The following PARD3B variants were observed in gnomAD, a reference collection of about 807,000 sequenced individuals.
The protein encoded by PARD3B is partitioning defective 3 homolog B.
A neutral mutation model predicts 130.2 loss-of-function variants in PARD3B; 103 were observed. The observed-to-expected ratio is 0.79, with a 90% CI of 0.67 to 0.93. The LOEUF is 0.93. Among genes scored for constraint, PARD3B ranks in the 40% least tolerant of loss-of-function variants. The probability of loss-of-function intolerance (pLI) is 0.00; values close to 1 mark genes in which losing one functional copy is unlikely to be tolerated. For missense variants in PARD3B, 1,609 were observed against 1,499.2 expected, an observed-to-expected ratio of 1.07 and a Z score of -1.21; for synonymous variants, 583 against 553.2, an observed-to-expected ratio of 1.05 and a Z score of -0.76.
At position 205,115,499 on chromosome 2, in the gene PARD3B, G is replaced by A. The variant is rs531185869; in HGVS notation, c.680+1922G>A. The stretch of plus-strand genomic sequence containing the variant: ...TATTTTGGCTAAAACCAAAAAGCCT[G>A]ATTCAGAAATGTAGTTTTATTATAA... On this transcript the variant is annotated intron_variant, in intron 6 of 22. Transcript: ENST00000406610. Among the ~76,000 whole-genome samples, 4 of 152,096 alleles carry A rather than the reference G, an allele frequency of 2.6e-5. No homozygotes were observed. In the South Asian group the frequency reaches 8.3e-4, roughly 31 times the overall value.
rs529762447 is a variant in PARD3B, at chr2:204,861,436, A to G, written c.223-103716A>G. Among the ~76,000 whole-genome samples, 20 of 152,292 alleles carry G rather than the reference A, an allele frequency of 1.3e-4. No homozygotes were observed. The South Asian group carries it at 3.7e-3, about 28-fold the overall frequency. ...TACTTGAGGTAGAAAAACCAATTCT[A>G]TACATATTCTTAATAGTTAAATCTC... On this transcript the variant is annotated intron_variant, in intron 2 of 22. Transcript: ENST00000406610.
intron 2 of PARD3B, among the ~76,000 whole-genome samples, chr2:204,814,846 C>CT (rs1332880864): frequency 1.3e-5 from 2 of 151,608 alleles, no homozygotes; most frequent in African/African-American, 2.4e-5. Flanking sequence ...TATGGTTTTT[C>CT]TTTTTTGTTA....
chr2:205,355,268 A>T lies in PARD3B; in HGVS notation c.2631-45745A>T, dbSNP rs114425472. ...GGTGAAGCAAATGAGGCTTTGCCAAATTTTTTCTAATTAAGTGGGACTTTT... is the reference window on the plus strand; with the variant it reads ...GGTGAAGCAAATGAGGCTTTGCCAATTTTTTTCTAATTAAGTGGGACTTTT... On this transcript the variant is annotated intron_variant, in intron 18 of 22. Transcript: ENST00000406610. Among the ~76,000 whole-genome samples the T allele has an allele frequency of 9.5e-3, 1,443 of 152,266 alleles. 6 individuals are homozygous for T. The highest frequency in any genetic ancestry group is 0.016 in the Non-Finnish European group (1,100 of 68,008).
At chr2:205,040,895 A>T (rs1462753307) in intron 3 of PARD3B, among the ~76,000 whole-genome samples, 1 of 152,130 alleles carries the variant, frequency 6.6e-6, no homozygotes, top group Non-Finnish European at 1.5e-5. Flanking sequence ...CGAGACTCTG[A>T]AAAGACCAGC....
At chr2:204,568,820 T>C (rs1400611651) in intron 1 of PARD3B, among the ~76,000 whole-genome samples, 1 of 152,026 alleles carries the variant, frequency 6.6e-6, no homozygotes, top group Non-Finnish European at 1.5e-5. Flanking sequence ...CCAGATGTGG[T>C]GGTGTGTGCC....
chr2:204,711,354 A>T (rs1247462374), intron 2 of PARD3B, among the ~76,000 whole-genome samples: 1 of 152,152 alleles, frequency 6.6e-6, no homozygotes, highest in African/African-American at 2.4e-5. Context: ...CCTTTTTAAT[A>T]GTTCATTGTG....
At chr2:204,816,339 G>A (rs893985185) in intron 2 of PARD3B, among the ~76,000 whole-genome samples, 3 of 151,692 alleles carry the variant, frequency 2.0e-5, no homozygotes, top group East Asian at 1.9e-4. Flanking sequence ...TACCAAATCC[G>A]ATGCTCTTCT....
intron 2 of PARD3B, among the ~76,000 whole-genome samples, chr2:204,712,487 G>A (rs1032906184): frequency 6.6e-6 from 1 of 151,604 alleles, no homozygotes; most frequent in Admixed American, 6.6e-5. Flanking sequence ...GGCAGGCCAG[G>A]CCTATAATCC....
At chr2:205,210,029 C>T (rs1469815712) in intron 15 of PARD3B, among the ~76,000 whole-genome samples, 1 of 151,748 alleles carries the variant, frequency 6.6e-6, no homozygotes, top group African/African-American at 2.4e-5. Flanking sequence ...ATATATACAC[C>T]TACTAAGTAC....
At chr2:204,709,426 C>G (rs982991429) in intron 2 of PARD3B, among the ~76,000 whole-genome samples, 11 of 152,224 alleles carry the variant, frequency 7.2e-5, no homozygotes, top group African/African-American at 2.4e-4. Flanking sequence ...TAAATTAACT[C>G]ATGTGGAAAG....
At chr2:204,553,675 TATATATATATATATATATATACAC>T (rs1487938051) in intron 1 of PARD3B, among the ~76,000 whole-genome samples, 3 of 119,600 alleles carry the variant, frequency 2.5e-5, no homozygotes, top group African/African-American at 1.2e-4. Flanking sequence ...TATATATATA[TATATATATATATATATATATACAC>T]ACATATATAT....
chr2:204,602,916 C>A (rs1445632216), intron 1 of PARD3B, among the ~76,000 whole-genome samples: 1 of 152,056 alleles, frequency 6.6e-6, no homozygotes, highest in Non-Finnish European at 1.5e-5. Flanking sequence ...GCCATATTGA[C>A]CAACACAATT....
chr2:205,529,799 T>A (rs961489391), intron 21 of PARD3B, among the ~76,000 whole-genome samples: 2 of 152,236 alleles, frequency 1.3e-5, no homozygotes, highest in Admixed American at 1.3e-4. Context: ...GAGGGTTTTC[T>A]TTTTTCATTT....
rs1407904645 is a variant in PARD3B at position 204,689,833 on chromosome 2, C to T, written c.222+3551C>T. ...TTTCTGTAATCTTATTTCTTTTCTT[C>T]TCTGATGTGTCAAGCAGTTTGGCGC... On this transcript the variant is annotated intron_variant, in intron 2 of 22. Transcript: ENST00000406610. The surrounding 1 kb of genome is among the most constrained non-coding windows in gnomAD (Gnocchi z 5.2). Among the ~76,000 whole-genome samples the T allele has an allele frequency of 6.6e-6, 1 of 152,082 alleles. No individual in the cohort carries two copies. The highest frequency in any genetic ancestry group is 1.5e-5 in the Non-Finnish European group (1 of 68,018).
chr2:205,576,157 G>T (rs1438614265), intron 22 of PARD3B, among the ~76,000 whole-genome samples: 1 of 151,818 alleles, frequency 6.6e-6, no homozygotes, highest in Non-Finnish European at 1.5e-5. Context: ...ATACTGATTT[G>T]CCATGTGTAT....
At chr2:204,663,979 A>C (rs1279079732) in intron 1 of PARD3B, among the ~76,000 whole-genome samples, 4 of 152,184 alleles carry the variant, frequency 2.6e-5, no homozygotes, top group Admixed American at 2.6e-4. Flanking sequence ...GCAGATGAGA[A>C]ACAGATTGCA....
intron 16 of PARD3B, among the ~76,000 whole-genome samples, chr2:205,260,676 A>G (rs2040269520): frequency 6.6e-6 from 1 of 152,116 alleles, no homozygotes; most frequent in African/African-American, 2.4e-5. Flanking sequence ...TTGGGAGAAA[A>G]TAAACTTGAT....
At chr2:204,736,692 A>G (rs1039837514) in intron 2 of PARD3B, among the ~76,000 whole-genome samples, 3 of 152,216 alleles carry the variant, frequency 2.0e-5, no homozygotes, top group Non-Finnish European at 4.4e-5. Flanking sequence ...GATGGCATTT[A>G]GATTGGTTCT....
Position 204,724,184 on chromosome 2 carries a change from A to G in PARD3B, c.222+37902A>G, listed in dbSNP as rs76027647. Among the ~76,000 whole-genome samples the G allele has an allele frequency of 0.013, 1,984 of 152,282 alleles. 72 individuals are homozygous for G. The East Asian group carries it at 0.14, about 10-fold the overall frequency. On this transcript the variant is annotated intron_variant, in intron 2 of 22. Transcript: ENST00000406610. ...TTCACCTTAAAAAAGCAGTAGATAT[A>G]GTTGGTTTTGTTAAGAAAAGTTTCA...
Sources: allele counts gnomAD v4.1 joint callset (sites outside exome capture counted in the v4.1 genomes callset), GRCh38; gene constraint gnomAD v4.1.1; non-coding constraint Gnocchi (gnomAD v3.1); transcripts MANE v1.5; gene names NCBI Gene and HGNC (gene_info 2026-07-23, HGNC 2026-07-21).